SLFN12L: variants seen among roughly 807,000 people sequenced by gnomAD.
SLFN12L encodes the protein schlafen family member 12-like.
In SLFN12L, 34 loss-of-function variants were observed where a neutral mutation model predicts 34.8. The observed-to-expected ratio is 0.98, with a 90% CI of 0.74 to 1.30. SLFN12L has a LOEUF of 1.30. SLFN12L is among the 50% of genes most tolerant of loss of function. The probability of loss-of-function intolerance (pLI) is 0.00; values close to 1 mark genes in which losing one functional copy is unlikely to be tolerated. For synonymous variants in SLFN12L, 259 were observed against 247.5 expected (o/e 1.05, Z -0.44); for missense variants, 703 against 696.2 (o/e 1.01, Z -0.11).
chr17:35,505,768 G>C (rs1567674076), intron 2 of SLFN12L, among the ~76,000 whole-genome samples: 1 of 152,190 alleles, frequency 6.6e-6, no homozygotes. Flanking sequence ...AAGAAGACGA[G>C]AAGCCCTGCT....
chr17:35,468,095 G>A lies in SLFN12L; in HGVS notation c.*6828C>T, dbSNP rs1196411132. On this transcript the variant is annotated 3_prime_UTR_variant, in exon 5 of 5. Transcript: ENST00000628453. Reference sequence around the variant, plus strand: ...CAGCTAATTTTTTATGTTTTTTGTAGAGACAGGGTTTTACCATGTTGCCCA... The same window carrying A: ...CAGCTAATTTTTTATGTTTTTTGTAAAGACAGGGTTTTACCATGTTGCCCA... Among the ~76,000 whole-genome samples, 4 of 152,036 alleles carry A rather than the reference G, an allele frequency of 2.6e-5. No homozygotes were observed.
intron 1 of SLFN12L, among the ~76,000 whole-genome samples, chr17:35,531,486 T>C (rs1364523346): frequency 6.6e-6 from 1 of 152,222 alleles, no homozygotes; most frequent in Non-Finnish European, 1.5e-5. Flanking sequence ...CAAAGTGCCA[T>C]TTGTGACATA....
chr17:35,488,019 T>C (rs1914671928), intron 2 of SLFN12L, among the ~76,000 whole-genome samples: 1 of 152,108 alleles, frequency 6.6e-6, no homozygotes, highest in South Asian at 2.1e-4. Flanking sequence ...CCATCCTGGC[T>C]AACATGGTGA....
chr17:35,502,599 A>G (rs1301009348), intron 2 of SLFN12L, among the ~76,000 whole-genome samples: 3 of 132,020 alleles, frequency 2.3e-5, no homozygotes, highest in Admixed American at 7.5e-5. Context: ...CAATTGAAGG[A>G]AAAAAAAAAA....
chr17:35,507,630 C>T (rs1233109295), intron 2 of SLFN12L, among the ~76,000 whole-genome samples: 5 of 152,152 alleles, frequency 3.3e-5, no homozygotes, highest in Admixed American at 6.5e-5. Context: ...TGGATTTGAT[C>T]CTGGGGCCAT....
At chr17:35,502,087 G>C (rs1178190198) in intron 2 of SLFN12L, among the ~76,000 whole-genome samples, 2 of 151,872 alleles carry the variant, frequency 1.3e-5, no homozygotes, top group South Asian at 2.1e-4. Flanking sequence ...CAAAGAGAGA[G>C]ACAGAGAAAT....
rs1243118556 is a variant in SLFN12L, at chr17:35,467,548, A to T, written c.*7375T>A. 6.6e-6 allele frequency among the ~76,000 whole-genome samples: 1 copy of T among 152,218 alleles called. No homozygotes were observed. On this transcript the variant is annotated 3_prime_UTR_variant, in exon 5 of 5. Coordinates refer to ENST00000628453, the MANE Select transcript of SLFN12L (RefSeq NM_001363830.2). Reference sequence around the variant, plus strand: ...ACTTTCATGACCCTAATAGGTCCCAAATAGCCAGTTTAACAGAGAGACATA... The same window carrying T: ...ACTTTCATGACCCTAATAGGTCCCATATAGCCAGTTTAACAGAGAGACATA...
intron 1 of SLFN12L, among the ~76,000 whole-genome samples, chr17:35,526,771 C>T (rs183945566): frequency 6.6e-5 from 10 of 151,914 alleles, no homozygotes; most frequent in African/African-American, 1.7e-4. Flanking sequence ...GATCTAAAAT[C>T]GACACCCTAA....
intron 2 of SLFN12L, among the ~76,000 whole-genome samples, chr17:35,517,087 G>A (rs1915851272): frequency 6.6e-6 from 1 of 152,178 alleles, no homozygotes; most frequent in Non-Finnish European, 1.5e-5. Context: ...TCCCGCAAAA[G>A]CCAGAATAGT....
At chr17:35,489,999 T>C (rs1914766058) in intron 2 of SLFN12L, 2 of 1,570,874 alleles carry the variant, frequency 1.3e-6, no homozygotes, top group Non-Finnish European at 1.7e-6. Context: ...TAGAAAGAAA[T>C]ATCCGACATC....
At chr17:35,512,095 G>A (rs1404542693) in intron 2 of SLFN12L, among the ~76,000 whole-genome samples, 1 of 151,628 alleles carries the variant, frequency 6.6e-6, no homozygotes, top group Non-Finnish European at 1.5e-5. Context: ...GTAAAGTTAA[G>A]ATGGGAACAG....
At chr17:35,492,940 T>C (rs551985724) in intron 2 of SLFN12L, among the ~76,000 whole-genome samples, 64 of 126,396 alleles carry the variant, frequency 5.1e-4, no homozygotes, top group Admixed American at 3.2e-3. Flanking sequence ...TTTAATTGAA[T>C]TGAAAATATC....
intron 1 of SLFN12L, among the ~76,000 whole-genome samples, chr17:35,530,405 GGAAGGAAGGAAGGAAGGA>G (rs1567693455): frequency 2.1e-3 from 24 of 11,340 alleles, no homozygotes; most frequent in African/African-American, 6.2e-3. Flanking sequence ...AAGGAAGGAA[GGAAGGAAGGAAGGAAGGA>G]AGGAAGGGAA....
intron 4 of SLFN12L, among the ~76,000 whole-genome samples, chr17:35,476,507 A>G (rs1356101494): frequency 6.7e-6 from 1 of 149,392 alleles, no homozygotes; most frequent in Non-Finnish European, 1.5e-5. Flanking sequence ...GGAAGGAAGG[A>G]AGGAAGGAAG....
chr17:35,520,272 C>T (rs1174719584), intron 2 of SLFN12L, among the ~76,000 whole-genome samples: 1 of 152,238 alleles, frequency 6.6e-6, no homozygotes, highest in Non-Finnish European at 1.5e-5. Context: ...GGACAAGAGA[C>T]TGATTTTAGT....
At position 35,470,137 on chromosome 17, in the gene SLFN12L, A is replaced by G. The variant is rs1913782780; in HGVS notation, c.*4786T>C. ...AGAGTACATTTTCATATAATATTTT[A>G]TCAGGCATCTGAAGGTTTCACCAAA... On this transcript the variant is annotated 3_prime_UTR_variant, in exon 5 of 5. Transcript: ENST00000628453. 6.6e-6 allele frequency: 1 copy of G among 152,260 alleles called. No individual in the cohort carries two copies. The highest frequency in any genetic ancestry group is 1.5e-5 in the Non-Finnish European group (1 of 68,076). The allele number at this position is 152,260 out of a possible 1,614,324, so 9.4% of individuals were successfully genotyped here. A position where few individuals can be genotyped will look rare whatever the true frequency, so the allele number is the denominator to read the frequency against.
chr17:35,474,844 T>C lies in SLFN12L; in HGVS notation c.*79A>G. On this transcript the variant is annotated 3_prime_UTR_variant, in exon 5 of 5. Coordinates refer to ENST00000628453, the MANE Select transcript of SLFN12L (RefSeq NM_001363830.2). ...CTACTCGGGAGGCTGAGGCAGGGAA[T>C]TGCTTGAACCCAGGAGGCAGAGGTT... The C allele has an allele frequency of 7.2e-7, 1 of 1,384,682 alleles. No homozygotes were observed. The highest frequency in any genetic ancestry group is 9.5e-7 in the Non-Finnish European group (1 of 1,050,144). The allele number at this position is 1,384,682 out of a possible 1,614,324, so 85.8% of individuals were successfully genotyped here.
intron 2 of SLFN12L, chr17:35,498,872 G>A: frequency 1.4e-6 from 1 of 709,570 alleles, no homozygotes; most frequent in Non-Finnish European, 2.5e-6. Flanking sequence ...CCCGCAGTGA[G>A]AACAATTACT....
rs968790048 is a variant in SLFN12L, at chr17:35,472,578, C to T, written c.*2345G>A. 3.3e-5 allele frequency among the ~76,000 whole-genome samples: 5 copies of T among 152,128 alleles called. No individual in the cohort carries two copies. Among genetic ancestry groups the T allele is most frequent in the African/African-American group, 1.2e-4 (5 of 41,428 alleles). ...AAGTCAGGTAGCATAATGCCTCCAG[C>T]TTTGTTCTTTTTGTTTAGGATTATC... On this transcript the variant is annotated 3_prime_UTR_variant, in exon 5 of 5. Transcript: ENST00000628453.
Sources: allele counts gnomAD v4.1 joint callset (sites outside exome capture counted in the v4.1 genomes callset), GRCh38; gene constraint gnomAD v4.1.1; transcripts MANE v1.5; gene names NCBI Gene and HGNC (gene_info 2026-07-23, HGNC 2026-07-21).